Variants in LY75 observed in about 807,000 individuals in gnomAD.
LY75 encodes the protein C-type lectin domain family 13 member B.
In LY75, 185 loss-of-function variants were observed where a neutral mutation model predicts 231.7. That is an observed-to-expected ratio of 0.80 (90% CI 0.71 to 0.90). The LOEUF is 0.90. LY75 is among the 40% of genes least tolerant of loss of function. The pLI is 0.00. For missense variants in LY75, 1,947 were observed against 2,050.2 expected (o/e 0.95, Z 0.97); for synonymous variants, 668 against 689.0 (o/e 0.97, Z 0.48).
At chr2:159,862,695 TA>T (rs1684750644) in intron 14 of LY75, among the ~76,000 whole-genome samples, 1 of 152,188 alleles carries the variant, frequency 6.6e-6, no homozygotes, top group Non-Finnish European at 1.5e-5. Flanking sequence ...AATTGGCAGA[TA>T]AAAGTATATG....
At chr2:159,824,398 A>G (rs1431641482) in intron 28 of LY75, among the ~76,000 whole-genome samples, 2 of 152,236 alleles carry the variant, frequency 1.3e-5, no homozygotes, top group East Asian at 3.8e-4. Flanking sequence ...TAGAGGGATC[A>G]ATGCAGCAAG....
At chr2:159,855,015 T>C in intron 16 of LY75, 76 bp from the exon 17 acceptor site, 1 of 1,578,896 alleles carries the variant, frequency 6.3e-7, no homozygotes, top group South Asian at 1.1e-5. Flanking sequence ...GCCTTTAATG[T>C]AGCTCGAAAG....
intron 34 of LY75, among the ~76,000 whole-genome samples, chr2:159,805,704 A>G (rs1276550905): frequency 6.6e-6 from 1 of 152,226 alleles, no homozygotes; most frequent in East Asian, 1.9e-4. Flanking sequence ...CCTTATCTGC[A>G]TACTGCCCAG....
intron 34 of LY75, among the ~76,000 whole-genome samples, chr2:159,806,603 A>T (rs1300622054): frequency 6.6e-6 from 1 of 152,188 alleles, no homozygotes; most frequent in Non-Finnish European, 1.5e-5. Flanking sequence ...GTTTTATGGG[A>T]TTAGGAAGAA....
At chr2:159,847,098 G>A (rs555123569) in intron 23 of LY75, among the ~76,000 whole-genome samples, 3 of 152,060 alleles carry the variant, frequency 2.0e-5, no homozygotes, top group East Asian at 3.9e-4. Context: ...TGCAACTTCC[G>A]CCTCCCAGGT....
chr2:159,878,262 GGGA>G, intron 11 of LY75, 59 bp downstream of exon 11: 1 of 1,554,272 alleles, frequency 6.4e-7, no homozygotes, highest in East Asian at 2.3e-5. Context: ...GAACATCTTT[GGGA>G]GGAGTGCTGC....
intron 23 of LY75, among the ~76,000 whole-genome samples, chr2:159,848,151 G>GGT (rs1299617156): frequency 1.1e-4 from 12 of 104,800 alleles, no homozygotes; most frequent in South Asian, 8.8e-4. Flanking sequence ...ATTTATATAT[G>GGT]GTGTGTGTGT....
rs574472263 is a variant in LY75 at position 159,891,688 on chromosome 2, T to C, written c.638-1311A>G. On this transcript the variant is annotated intron_variant, in intron 3 of 34. Coordinates refer to ENST00000263636, the MANE Select transcript of LY75 (RefSeq NM_002349.4). ...CCACAGGAGGCTAAAGGCACCAAGA[T>C]ACATTCCTGTCAAGGCAGCAAGGTA... is the stretch of plus-strand genomic sequence containing the variant. Among the ~76,000 whole-genome samples the C allele has an allele frequency of 2.6e-5, 4 of 152,288 alleles. No individual in the cohort carries two copies. In the South Asian group the frequency reaches 8.3e-4, roughly 32 times the overall value.
At chr2:159,809,827 G>A (rs937814179) in intron 32 of LY75, among the ~76,000 whole-genome samples, 2 of 151,464 alleles carry the variant, frequency 1.3e-5, no homozygotes, top group Non-Finnish European at 1.5e-5. Flanking sequence ...ACAGGTGCAC[G>A]CCACCACGCC....
intron 31 of LY75, chr2:159,814,094 G>A (rs1683045890): frequency 6.6e-6 from 1 of 152,142 alleles, no homozygotes; most frequent in African/African-American, 2.4e-5. Flanking sequence ...ATTCTTCAGA[G>A]CAGAAAACAT....
At chr2:159,866,603 G>A (rs1308893401) in intron 13 of LY75, among the ~76,000 whole-genome samples, 1 of 152,146 alleles carries the variant, frequency 6.6e-6, no homozygotes, top group Admixed American at 6.6e-5. Context: ...GCTTCCGAGT[G>A]TATCATACTG....
intron 32 of LY75, among the ~76,000 whole-genome samples, 168 bp downstream of exon 32, chr2:159,810,358 G>A (rs891397611): frequency 1.3e-5 from 2 of 152,162 alleles, no homozygotes; most frequent in East Asian, 3.8e-4. Flanking sequence ...TATGTCATCA[G>A]ATACTTAACC....
At chr2:159,813,875 A>G (rs555256773) in intron 31 of LY75, 1 of 152,174 alleles carries the variant, frequency 6.6e-6, no homozygotes, top group Non-Finnish European at 1.5e-5. Flanking sequence ...CTATTTCTGC[A>G]TGCCTTATTT....
At chr2:159,828,641 G>A (rs1683553608) in intron 28 of LY75, among the ~76,000 whole-genome samples, 1 of 152,202 alleles carries the variant, frequency 6.6e-6, no homozygotes, top group African/African-American at 2.4e-5. Context: ...GTTTACCCAA[G>A]AGAAATGGAA....
At chr2:159,839,144 T>C (rs1683926860) in intron 25 of LY75, among the ~76,000 whole-genome samples, 1 of 152,212 alleles carries the variant, frequency 6.6e-6, no homozygotes, top group South Asian at 2.1e-4. Flanking sequence ...GACTATTCTT[T>C]AAGCTATTCC....
At chr2:159,861,028 A>G (rs1684685424) in intron 14 of LY75, 139 bp from the exon 15 acceptor site, 3 of 773,968 alleles carry the variant, frequency 3.9e-6, no homozygotes, top group African/African-American at 3.5e-5. Flanking sequence ...TTTTTATATC[A>G]TGATGCTAAA....
rs768487846 is a variant in LY75 at position 159,882,334 on chromosome 2, T to C, written c.1055-19A>G. ...CAGACATCTGGGGGAAAAGCAGCTA[T>C]TTATATTCCAGTAAAGATACATCTA... On this transcript the variant is annotated intron_variant, in intron 6 of 34. Transcript: ENST00000263636. 1 of 1,608,844 alleles carries C rather than the reference T, an allele frequency of 6.2e-7. No individual in the cohort carries two copies. The highest frequency in any genetic ancestry group is 1.7e-5 in the Admixed American group (1 of 59,090).
intron 1 of LY75, 128 bp from the exon 2 acceptor site, chr2:159,899,187 C>G (rs1043512713): frequency 1.1e-5 from 16 of 1,484,396 alleles, no homozygotes; most frequent in Non-Finnish European, 1.4e-5. Context: ...TTTTAAGCTG[C>G]AGGGGACTAC....
chr2:159,891,455 C>T (rs1045376347), intron 3 of LY75, among the ~76,000 whole-genome samples: 2 of 152,154 alleles, frequency 1.3e-5, no homozygotes, highest in Admixed American at 1.3e-4. Context: ...ATTATTACCA[C>T]TGAGGCCCTA....
Sources: allele counts gnomAD v4.1 joint callset (sites outside exome capture counted in the v4.1 genomes callset), GRCh38; gene constraint gnomAD v4.1.1; transcripts MANE v1.5; gene names NCBI Gene and HGNC (gene_info 2026-07-23, HGNC 2026-07-21).